The following NEK10 variants were observed in gnomAD, a reference collection of about 807,000 sequenced individuals.
NEK10 encodes the protein serine/threonine-protein kinase Nek10.
A neutral mutation model predicts 159.8 loss-of-function variants in NEK10; 122 were observed. The ratio of observed to expected loss-of-function variants is 0.76; its 90% CI spans 0.66 to 0.89. The LOEUF (loss-of-function observed/expected upper bound fraction) is 0.89, where lower values mean the gene tolerates loss of function less well. Ranked by LOEUF, NEK10 falls within the 40% of genes least tolerant of loss-of-function variation. The pLI is 0.00. For synonymous variants in NEK10, 466 were observed against 457.1 expected (o/e 1.02, Z -0.25); for missense variants, 1,342 against 1,323.1 (o/e 1.01, Z -0.22).
intron 29 of NEK10, chr3:27,162,942 C>T (rs1020757439): frequency 1.2e-5 from 3 of 257,556 alleles, no homozygotes; most frequent in Admixed American, 1.3e-4. Context: ...ATGACAGAAT[C>T]GTCCCACCAC....
intron 19 of NEK10, among the ~76,000 whole-genome samples, chr3:27,288,734 A>C (rs73821937): frequency 0.027 from 4,132 of 152,296 alleles, 196 homozygotes; most frequent in African/African-American, 0.094. Context: ...GAATGCTAAT[A>C]ATTTTGTAGT....
chr3:27,333,325 C>G (rs927419683), intron 5 of NEK10, among the ~76,000 whole-genome samples: 3 of 152,038 alleles, frequency 2.0e-5, no homozygotes, highest in African/African-American at 7.2e-5. Context: ...GCAGGCAGAT[C>G]ACTTGAGGTC....
At position 27,109,534 on chromosome 3, in the gene NEK10, G is replaced by T. The variant is rs1474273711; in HGVS notation, c.*1738C>A. Among the ~76,000 whole-genome samples the T allele has an allele frequency of 3.9e-5, 6 of 151,956 alleles. No individual in the cohort carries two copies. Among genetic ancestry groups the T allele is most frequent in the Admixed American group, 3.9e-4 (6 of 15,254 alleles). On this transcript the variant is annotated 3_prime_UTR_variant, in exon 36 of 36. Coordinates refer to ENST00000691995, the MANE Select transcript of NEK10 (RefSeq NM_001394966.1). ...TGAATACTATTCTTTCCTAAATTCT[G>T]TTTACTATATACTACCATTTGGGAA...
intron 33 of NEK10, among the ~76,000 whole-genome samples, chr3:27,117,037 C>T (rs536635957): frequency 1.6e-4 from 25 of 152,122 alleles, no homozygotes; most frequent in Non-Finnish European, 3.1e-4. Context: ...TCCATGTGTT[C>T]TCATTGTTCA....
chr3:27,290,703 G>A lies in NEK10; in HGVS notation c.1657C>T (p.His553Tyr). The A allele has an allele frequency of 3.1e-6, 5 of 1,608,464 alleles. No individual in the cohort carries two copies. Among genetic ancestry groups the A allele is most frequent in the Middle Eastern group, 1.7e-4 (1 of 6,046 alleles). ...TTATCCTTTCCAAATGCTGGGTTAT[G>A]TAAATTGACCTCTTTCATTGCTAAA... is the stretch of plus-strand genomic sequence containing the variant. ...NLLAMKEVNL[H>Y]NPAFGKDKKD... Residue 553 changes from histidine to tyrosine, a missense_variant, in exon 19 of 36, where the codon CAT becomes TAT. By Grantham distance (83) the His-to-Tyr change is moderately conservative. Transcript: ENST00000691995.
chr3:27,327,818 C>T (rs1262279716), intron 5 of NEK10, among the ~76,000 whole-genome samples: 3 of 151,982 alleles, frequency 2.0e-5, no homozygotes, highest in Admixed American at 6.6e-5. Flanking sequence ...ATCTTTGACT[C>T]ATTAAAAACA....
rs530980159 is a variant in NEK10, at chr3:27,177,553, A to T, written c.2506-2720T>A. Among the ~76,000 whole-genome samples, 147 of 137,280 alleles carry T rather than the reference A, an allele frequency of 1.1e-3. 1 individual carries two copies. The highest frequency in any genetic ancestry group is 4.1e-3 in the East Asian group (21 of 5,126). The allele number at this position is 137,280 out of a possible 152,430, so 90.1% of individuals were successfully genotyped here. On this transcript the variant is annotated intron_variant, in intron 26 of 35. Coordinates refer to ENST00000691995, the MANE Select transcript of NEK10 (RefSeq NM_001394966.1). ...GAGCAAGACTCTTGTCTCAAAAAAA[A>T]AAATATATATATATTTCTATAACAA...
At position 27,216,835 on chromosome 3, in the gene NEK10, A is replaced by T. The variant is rs369282170; in HGVS notation, c.2091-14278T>A. The stretch of plus-strand genomic sequence containing the variant: ...GCAGAATTTGAGCAAATAAATTATT[A>T]TTATTGTATTAAACCAATAAGTTGG... On this transcript the variant is annotated intron_variant, in intron 23 of 35. Transcript: ENST00000691995. Among the ~76,000 whole-genome samples, 7 of 152,338 alleles carry T rather than the reference A, an allele frequency of 4.6e-5. No homozygotes were observed. In the East Asian group the frequency reaches 1.2e-3, roughly 25 times the overall value.
intron 20 of NEK10, 100 bp downstream of exon 20, chr3:27,287,598 T>C: frequency 2.3e-6 from 3 of 1,310,038 alleles, no homozygotes; most frequent in Non-Finnish European, 3.1e-6. Context: ...AAAAGGTCAA[T>C]AAAATAGTTG....
chr3:27,128,311 A>G (rs1027020302), intron 32 of NEK10, among the ~76,000 whole-genome samples: 2 of 152,178 alleles, frequency 1.3e-5, no homozygotes, highest in Admixed American at 6.6e-5. Flanking sequence ...TTTAGCAAGA[A>G]TATTTCATAG....
chr3:27,210,872 G>T (rs1304298823), intron 23 of NEK10, among the ~76,000 whole-genome samples: 2 of 152,218 alleles, frequency 1.3e-5, no homozygotes, highest in Non-Finnish European at 2.9e-5. Flanking sequence ...CCACCTGGAA[G>T]AGTTGTCAAT....
rs532585755 is a variant in NEK10, at chr3:27,226,038, AT to A, written c.2091-23482del. ...AAACCAAATAAAATACGGTTACAAT[AT>A]TTTTTTTTTTGAGACGGAGTCTCGC... On this transcript the variant is annotated intron_variant, in intron 23 of 35. Coordinates refer to ENST00000691995, the MANE Select transcript of NEK10 (RefSeq NM_001394966.1). Among the ~76,000 whole-genome samples, 70 of 148,098 alleles carry A rather than the reference AT, an allele frequency of 4.7e-4. No homozygotes were observed. In the East Asian group the frequency reaches 6.3e-3, roughly 13 times the overall value.
intron 22 of NEK10, among the ~76,000 whole-genome samples, chr3:27,273,859 G>A (rs2041564277): frequency 1.3e-5 from 2 of 152,020 alleles, no homozygotes; most frequent in African/African-American, 4.8e-5. Context: ...TCTCAGTGCA[G>A]GAGTCAGTGA....
At chr3:27,172,221 G>T (rs1392316966) in intron 28 of NEK10, among the ~76,000 whole-genome samples, 2 of 150,812 alleles carry the variant, frequency 1.3e-5, no homozygotes, top group Admixed American at 1.3e-4. Context: ...TGTAGTCCCA[G>T]CTACTCGGGA....
intron 33 of NEK10, among the ~76,000 whole-genome samples, chr3:27,116,784 G>A (rs574831595): frequency 1.3e-5 from 2 of 151,708 alleles, no homozygotes; most frequent in Non-Finnish European, 2.9e-5. Context: ...ATAAGCATGT[G>A]CCACCATGGC....
At chr3:27,354,974 A>T (rs1195204291) in intron 1 of NEK10, among the ~76,000 whole-genome samples, 1 of 152,174 alleles carries the variant, frequency 6.6e-6, no homozygotes, top group Non-Finnish European at 1.5e-5. Flanking sequence ...TAGCTGTTAA[A>T]GCAGAACATT....
chr3:27,257,992 T>G (rs1320358275), intron 22 of NEK10, among the ~76,000 whole-genome samples: 1 of 151,788 alleles, frequency 6.6e-6, no homozygotes, highest in Non-Finnish European at 1.5e-5. Context: ...GAGACTGGGT[T>G]TCACAGTGTT....
At chr3:27,327,754 T>A (rs2046110738) in intron 5 of NEK10, among the ~76,000 whole-genome samples, 1 of 152,166 alleles carries the variant, frequency 6.6e-6, no homozygotes, top group Non-Finnish European at 1.5e-5. Flanking sequence ...GTCACAGCCC[T>A]TTTCATGTTG....
intron 29 of NEK10, among the ~76,000 whole-genome samples, chr3:27,164,953 A>C (rs1475847141): frequency 6.6e-6 from 1 of 152,226 alleles, no homozygotes; most frequent in African/African-American, 2.4e-5. Context: ...TGCTAGTGGG[A>C]TATGTGACAT....
Sources: gnomAD v4.1 joint callset for allele counts (sites outside exome capture counted in the v4.1 genomes callset) on GRCh38, gnomAD v4.1.1 for gene constraint, MANE v1.5 for transcripts, NCBI Gene and HGNC (gene_info 2026-07-23, HGNC 2026-07-21) for gene names.